Variants in ALG14 observed in about 807,000 individuals in gnomAD.
ALG14 encodes the protein ALG14 UDP-N-acetylglucosaminyltransferase subunit.
A neutral mutation model predicts 22.8 loss-of-function variants in ALG14; 17 were observed. The observed-to-expected ratio is 0.75, with a 90% confidence interval of 0.51 to 1.12. The LOEUF (loss-of-function observed/expected upper bound fraction) is 1.12, where lower values mean the gene tolerates loss of function less well. Ranked by LOEUF, ALG14 falls within the 50% of genes most tolerant of loss-of-function variation. ALG14 has a pLI of 0.00. For missense variants in ALG14, 288 were observed against 271.8 expected, an observed-to-expected ratio of 1.06 and a Z score of -0.42; for synonymous variants, 89 against 103.7, an observed-to-expected ratio of 0.86 and a Z score of 0.86.
chr1:95,029,947 A>G (rs1232722269), intron 2 of ALG14, among the ~76,000 whole-genome samples: 3 of 152,210 alleles, frequency 2.0e-5, no homozygotes, highest in African/African-American at 7.2e-5. Context: ...ATTGAACTAG[A>G]AACTAATACT....
chr1:95,047,090 T>G (rs902456905), intron 2 of ALG14, among the ~76,000 whole-genome samples: 11 of 152,208 alleles, frequency 7.2e-5, no homozygotes, highest in Non-Finnish European at 1.5e-4. Context: ...AATTAAATTT[T>G]TTTTAAAAGT....
chr1:95,013,243 G>A (rs976769284), intron 3 of ALG14, among the ~76,000 whole-genome samples: 1 of 151,812 alleles, frequency 6.6e-6, no homozygotes, highest in African/African-American at 2.4e-5. Context: ...GTAACAAGCT[G>A]TATTTGAAAT....
At chr1:95,001,796 G>A (rs750549208) in intron 3 of ALG14, among the ~76,000 whole-genome samples, 14 of 152,058 alleles carry the variant, frequency 9.2e-5, no homozygotes, top group African/African-American at 1.9e-4. Flanking sequence ...AAACCCAGCC[G>A]TTTCTATGTC....
intron 3 of ALG14, among the ~76,000 whole-genome samples, chr1:94,997,920 C>T (rs986318613): frequency 6.6e-6 from 1 of 152,144 alleles, no homozygotes; most frequent in Non-Finnish European, 1.5e-5. Context: ...AGTCTTCTCT[C>T]CTCCTCCAAA....
intron 2 of ALG14, among the ~76,000 whole-genome samples, chr1:95,047,978 T>C (rs989172684): frequency 2.4e-4 from 37 of 152,216 alleles, no homozygotes; most frequent in Non-Finnish European, 1.6e-4. Context: ...CCTGACTCTT[T>C]AAGAGAAAAC....
rs544494595 is a variant in ALG14, at chr1:95,072,864, C to G, written c.35G>C (p.Gly12Ala). 1 of 1,614,176 alleles carries G rather than the reference C, an allele frequency of 6.2e-7. No homozygotes were observed. Among genetic ancestry groups the G allele is most frequent in the African/African-American group, 1.3e-5 (1 of 75,064 alleles). ...CAGGATTAGGAAAACCGCCACAGCT[C>G]CTGCGGCCGCAGCTAGAACGAGAAC... ...VCVLVLAAAA[G>A]AVAVFLILRI... Residue 12 changes from glycine (G) to alanine (A), a missense_variant, in exon 1 of 4, where the codon GGA (glycine) becomes GCA (alanine). By Grantham distance (60) the Gly-to-Ala change is moderately conservative. Coordinates refer to ENST00000370205, the MANE Select transcript of ALG14 (RefSeq NM_144988.4).
intron 3 of ALG14, among the ~76,000 whole-genome samples, chr1:95,013,043 G>A (rs1263876696): frequency 1.3e-5 from 2 of 151,480 alleles, no homozygotes; most frequent in Non-Finnish European, 2.9e-5. Context: ...GGCCGAGGCA[G>A]GAGAATTGCT....
chr1:95,006,755 G>T (rs1673230984), intron 3 of ALG14, among the ~76,000 whole-genome samples: 1 of 152,256 alleles, frequency 6.6e-6, no homozygotes, highest in Non-Finnish European at 1.5e-5. Flanking sequence ...AATGGGCAGA[G>T]CATGATGAAT....
chr1:95,028,070 T>C (rs1673878015), intron 2 of ALG14, among the ~76,000 whole-genome samples: 1 of 152,236 alleles, frequency 6.6e-6, no homozygotes. Flanking sequence ...ATCATGCAAG[T>C]TGGAAGACAG....
At position 94,980,431 on chromosome 1, in the gene ALG14, C is replaced by A. The variant is rs1672474528; in HGVS notation, c.*2645G>T. On this transcript the variant is annotated 3_prime_UTR_variant, in exon 4 of 4. Coordinates refer to ENST00000370205, the MANE Select transcript of ALG14 (RefSeq NM_144988.4). ...TAGGTGTGGGCAGGATGTGTGGTTT[C>A]CCTGCCTCTCATTTGAAGACTGATT... 1 of 152,190 alleles carries A rather than the reference C, an allele frequency of 6.6e-6. No individual in the cohort carries two copies. The highest frequency in any genetic ancestry group is 2.1e-4 in the South Asian group (1 of 4,834). 9.4% of individuals were successfully genotyped at this position (152,190 alleles called of 1,614,324 possible).
At chr1:95,058,147 A>G (rs1014568638) in intron 2 of ALG14, among the ~76,000 whole-genome samples, 17 of 151,218 alleles carry the variant, frequency 1.1e-4, no homozygotes, top group Non-Finnish European at 8.8e-5. Flanking sequence ...TTAGCTGGGC[A>G]TGGTGGCACA....
intron 3 of ALG14, among the ~76,000 whole-genome samples, chr1:95,004,215 CTTTT>C (rs869303546): frequency 4.3e-5 from 5 of 117,080 alleles, no homozygotes; most frequent in Admixed American, 1.8e-4. Context: ...GGGTAATTAA[CTTTT>C]TTTTTTTTTT....
intron 3 of ALG14, among the ~76,000 whole-genome samples, chr1:94,986,870 G>C (rs1020544587): frequency 3.3e-5 from 5 of 150,438 alleles, no homozygotes; most frequent in African/African-American, 1.2e-4. Flanking sequence ...GTGTAGACCT[G>C]ACTCCACACC....
chr1:95,021,833 T>C (rs551858437), intron 3 of ALG14, among the ~76,000 whole-genome samples: 1 of 152,368 alleles, frequency 6.6e-6, no homozygotes, highest in African/African-American at 2.4e-5. Flanking sequence ...GTTTACCTCA[T>C]GTTTTCCTTT....
At chr1:95,000,380 A>T (rs1673030391) in intron 3 of ALG14, among the ~76,000 whole-genome samples, 2 of 149,154 alleles carry the variant, frequency 1.3e-5, no homozygotes, top group Non-Finnish European at 3.0e-5. Context: ...CATAAAAAAT[A>T]AAAAAAAAAT....
At chr1:95,070,083 G>A (rs1675510909) in intron 1 of ALG14, among the ~76,000 whole-genome samples, 1 of 152,106 alleles carries the variant, frequency 6.6e-6, no homozygotes, top group Non-Finnish European at 1.5e-5. Flanking sequence ...GATCTACCTT[G>A]TTTGACGGTA....
chr1:94,991,517 T>C (rs1672772178), intron 3 of ALG14, among the ~76,000 whole-genome samples: 4 of 152,160 alleles, frequency 2.6e-5, no homozygotes, highest in Admixed American at 2.0e-4. Context: ...AAAAATACTG[T>C]ATGAAAGACA....
intron 3 of ALG14, among the ~76,000 whole-genome samples, chr1:95,011,389 T>C (rs373955903): frequency 6.6e-6 from 1 of 152,036 alleles, no homozygotes; most frequent in African/African-American, 2.4e-5. Context: ...AACTGTGGAC[T>C]TCCCAGACTC....
At chr1:95,004,818 T>A (rs1276606125) in intron 3 of ALG14, among the ~76,000 whole-genome samples, 1 of 150,980 alleles carries the variant, frequency 6.6e-6, no homozygotes, top group Admixed American at 6.6e-5. Flanking sequence ...TTTATTTTTA[T>A]TTTTTGAGAC....
Sources: gnomAD v4.1 joint callset for allele counts (sites outside exome capture counted in the v4.1 genomes callset) on GRCh38, gnomAD v4.1.1 for gene constraint, MANE v1.5 for transcripts, NCBI Gene and HGNC (gene_info 2026-07-23, HGNC 2026-07-21) for gene names.